The following ABCA4 variants were observed in gnomAD, a reference collection of about 807,000 sequenced individuals.
ABCA4 encodes the protein retinal-specific phospholipid-transporting ATPase ABCA4.
A neutral mutation model predicts 263.7 loss-of-function variants in ABCA4; 196 were observed. The observed-to-expected ratio is 0.74, with a 90% CI of 0.66 to 0.84. ABCA4 has a LOEUF of 0.84. Among genes scored for constraint, ABCA4 ranks in the 40% least tolerant of loss-of-function variants. ABCA4 has a pLI of 0.00. For synonymous variants in ABCA4, 1,133 were observed against 1,094.2 expected, an observed-to-expected ratio of 1.04 and a Z score of -0.70; for missense variants, 2,792 against 2,855.1, an observed-to-expected ratio of 0.98 and a Z score of 0.50.
At chr1:94,046,473 A>AAAAAAAAAAAAAAAG (rs71094277) in intron 19 of ABCA4, among the ~76,000 whole-genome samples, 15 of 120,824 alleles carry the variant, frequency 1.2e-4, no homozygotes, top group Non-Finnish European at 2.3e-4. Flanking sequence ...AAAAAAAAAA[A>AAAAAAAAAAAAAAAG]AAAGAAAAGA....
At chr1:94,023,199 A>G (rs1255926075) in intron 32 of ABCA4, among the ~76,000 whole-genome samples, 187 bp downstream of exon 32, 3 of 152,190 alleles carry the variant, frequency 2.0e-5, no homozygotes, top group African/African-American at 7.2e-5. Context: ...AAGAAGAGGC[A>G]CCACTGAGTG....
At chr1:94,040,233 C>A in intron 23 of ABCA4, 106 bp from the exon 24 acceptor site, 1 of 872,894 alleles carries the variant, frequency 1.1e-6, no homozygotes, top group Non-Finnish European at 1.9e-6. Flanking sequence ...TTCTCACTGC[C>A]AAGTGTAGTC....
intron 14 of ABCA4, among the ~76,000 whole-genome samples, chr1:94,060,294 G>A (rs1357767856): frequency 6.6e-6 from 1 of 152,220 alleles, no homozygotes; most frequent in Non-Finnish European, 1.5e-5. Context: ...GGACTGGGAA[G>A]TCTGTGTGGA....
At chr1:94,065,378 G>A (rs979629155) in intron 11 of ABCA4, among the ~76,000 whole-genome samples, 2 of 152,146 alleles carry the variant, frequency 1.3e-5, no homozygotes, top group Non-Finnish European at 2.9e-5. Context: ...ACTACTACCC[G>A]AGAAATAAAG....
At chr1:94,102,938 C>T (rs1249956367) in intron 5 of ABCA4, 77 bp downstream of exon 5, 7 of 1,587,534 alleles carry the variant, frequency 4.4e-6, no homozygotes, top group Non-Finnish European at 6.0e-6. Flanking sequence ...AAGAAAAAAG[C>T]CAATATATTT....
At chr1:94,033,423 C>CA (rs11459922) in intron 26 of ABCA4, among the ~76,000 whole-genome samples, 54,124 of 108,606 alleles carry the variant, frequency 0.5, 11,862 homozygotes, top group Non-Finnish European at 0.56. Context: ...AACTCTATCT[C>CA]AAAAAAAAAA....
rs1191303139 is a variant in ABCA4 at position 94,008,736 on chromosome 1, T to C, written c.5835+15A>G. Reference sequence around the variant, plus strand: ...GATCTAACCAGCACCTCCAAACTCATACCCATTCCCTTACCTTGGTTAGTT... The same window carrying C: ...GATCTAACCAGCACCTCCAAACTCACACCCATTCCCTTACCTTGGTTAGTT... On this transcript the variant is annotated intron_variant, in intron 41 of 49. Transcript: ENST00000370225. 1 of 1,613,802 alleles carries C rather than the reference T, an allele frequency of 6.2e-7. No homozygotes were observed. The highest frequency in any genetic ancestry group is 1.3e-5 in the African/African-American group (1 of 74,928).
intron 28 of ABCA4, 131 bp downstream of exon 28, chr1:94,030,865 G>T: frequency 7.3e-7 from 1 of 1,374,596 alleles, no homozygotes; most frequent in East Asian, 2.5e-5. Context: ...TCTGCAGGCA[G>T]CCCAAAGACC....
At chr1:94,010,986 T>C (rs1659530523) in intron 39 of ABCA4, 57 bp from the exon 40 acceptor site, 2 of 1,613,532 alleles carry the variant, frequency 1.2e-6, no homozygotes, top group Admixed American at 1.7e-5. Flanking sequence ...CCCACAGACC[T>C]GGCCACAGCA....
At chr1:94,023,282 A>C in intron 32 of ABCA4, 104 bp downstream of exon 32, 1 of 961,690 alleles carries the variant, frequency 1.0e-6, no homozygotes, top group East Asian at 2.6e-5. Context: ...GCACCTACAG[A>C]ACAGCCCCTC....
Position 94,078,569 on chromosome 1 carries a change from C to T in ABCA4, c.1356+21G>A, listed in dbSNP as rs754218262. Reference sequence around the variant, plus strand: ...ACCGCTTCCTCCTCCCCTCCCCTCCCCATCCTCCAACCCCCCTTACTCTGA... The same window carrying T: ...ACCGCTTCCTCCTCCCCTCCCCTCCTCATCCTCCAACCCCCCTTACTCTGA... On this transcript the variant is annotated intron_variant, in intron 10 of 49. Transcript: ENST00000370225. The T allele has an allele frequency of 9.0e-5, 95 of 1,060,288 alleles. 1 individual carries two copies. In the East Asian group the frequency reaches 2.7e-3, roughly 30 times the overall value. 65.7% of individuals were successfully genotyped at this position (1,060,288 alleles called of 1,614,324 possible).
intron 7 of ABCA4, among the ~76,000 whole-genome samples, chr1:94,082,523 T>C (rs1661729221): frequency 6.9e-6 from 1 of 145,200 alleles, no homozygotes; most frequent in African/African-American, 2.4e-5. Context: ...TACAATGGGC[T>C]CTTCTCTAAC....
chr1:94,094,007 C>T (rs1196808854), intron 6 of ABCA4, among the ~76,000 whole-genome samples: 3 of 152,172 alleles, frequency 2.0e-5, no homozygotes, highest in Non-Finnish European at 2.9e-5. Context: ...GGTACTGGCA[C>T]TCAGGAATCA....
At position 94,036,775 on chromosome 1, in the gene ABCA4, A is replaced by C; in HGVS notation, c.3827T>G (p.Val1276Gly). Residue 1276 changes from valine to glycine, a missense_variant, in exon 26 of 50, where the codon GTC becomes GGC. Transcript: ENST00000370225. ...DTPLEEIFLK[V>G]TEDSDSGPLF... ...AGGTCCTGAATCAGAATCCTCCGTG[A>C]CCTTCAGAAAAATCTGTCAAGAAGA... is the stretch of plus-strand genomic sequence containing the variant. The C allele has an allele frequency of 6.2e-7, 1 of 1,614,126 alleles. No individual in the cohort carries two copies. Among genetic ancestry groups the C allele is most frequent in the Non-Finnish European group, 8.5e-7 (1 of 1,180,018 alleles).
intron 42 of ABCA4, 59 bp from the exon 43 acceptor site, chr1:94,007,799 G>A (rs2101003540): frequency 1.3e-6 from 2 of 1,494,826 alleles, no homozygotes; most frequent in South Asian, 2.3e-5. Flanking sequence ...AAAATGTCAG[G>A]CCCCAGGGTA....
chr1:94,029,570 G>C lies in ABCA4; in HGVS notation c.4414C>G (p.Gln1472Glu). The change falls in exon 30 of 50, where the codon CAG (glutamine) becomes GAG (glutamate). Residue 1472 changes from glutamine (Q) to glutamate (E), a missense_variant. Transcript: ENST00000370225. ...GTCCATTTCTGCTTCTGGAACAGCTGGGTGATGTTTGGGGACACAGAAGGA... is the reference window on the plus strand; with the variant it reads ...GTCCATTTCTGCTTCTGGAACAGCTCGGTGATGTTTGGGGACACAGAAGGA... ...KTPSVSPNITQLFQKQKWTQV... is the reference protein window; with the variant it reads ...KTPSVSPNITELFQKQKWTQV... 1 of 1,614,028 alleles carries C rather than the reference G, an allele frequency of 6.2e-7. No homozygotes were observed. The highest frequency in any genetic ancestry group is 1.7e-5 in the Admixed American group (1 of 60,000).
At position 94,000,900 on chromosome 1, in the gene ABCA4, G is replaced by A. The variant is rs61750653; in HGVS notation, c.6415C>T (p.Arg2139Trp). Residue 2139 changes from arginine (R) to tryptophan (W), a missense_variant, in exon 47 of 50, where the codon CGG becomes TGG. Arg to Trp is a moderately radical substitution (Grantham distance 101, BLOSUM62 -3). Coordinates refer to ENST00000370225, the MANE Select transcript of ABCA4 (RefSeq NM_000350.3). ...GCGCCCTTTACCATGATGGCCAGCC[G>A]GGTACACAGTGCCTCACATTCTTCC... is the stretch of plus-strand genomic sequence containing the variant. ...SMEECEALCT[R>W]LAIMVKGAFR... 1.1e-5 allele frequency: 18 copies of A among 1,614,184 alleles called. No individual in the cohort carries two copies. The highest frequency in any genetic ancestry group is 2.2e-5 in the South Asian group (2 of 91,090).
intron 30 of ABCA4, among the ~76,000 whole-genome samples, chr1:94,026,892 G>A (rs11809706): frequency 0.033 from 4,996 of 152,198 alleles, 278 homozygotes; most frequent in African/African-American, 0.11. Context: ...TGGCTAGGGT[G>A]AGCAGATGTG....
chr1:93,993,660 G>A (rs1298473201), intron 49 of ABCA4, among the ~76,000 whole-genome samples: 3 of 152,086 alleles, frequency 2.0e-5, no homozygotes, highest in African/African-American at 7.2e-5. Flanking sequence ...ACCACTTCCT[G>A]TAGGGGTGGC....
Sources: gnomAD v4.1 joint callset for allele counts (sites outside exome capture counted in the v4.1 genomes callset) on GRCh38, gnomAD v4.1.1 for gene constraint, MANE v1.5 for transcripts, NCBI Gene and HGNC (gene_info 2026-07-23, HGNC 2026-07-21) for gene names.